Variants in ETV7 observed in about 807,000 individuals in gnomAD.
The protein encoded by ETV7 is transcription factor ETV7.
Under a neutral mutation model 39.1 loss-of-function variants are expected in ETV7, and 43 were observed. The ratio of observed to expected loss-of-function variants is 1.10; its 90% CI spans 0.86 to 1.42. ETV7 has a LOEUF of 1.42. ETV7 is among the 40% of genes most tolerant of loss of function. ETV7 has a pLI of 0.00. For synonymous variants in ETV7, 196 were observed against 176.6 expected (o/e 1.11, Z -0.87); for missense variants, 432 against 442.3 (o/e 0.98, Z 0.21).
chr6:36,375,531 T>C (rs1377114270), intron 3 of ETV7, among the ~76,000 whole-genome samples: 1 of 152,190 alleles, frequency 6.6e-6, no homozygotes, highest in Admixed American at 6.5e-5. Context: ...CTTTCTCTAG[T>C]TGGTTTTTTG....
At chr6:36,362,483 C>T (rs1736906744), downstream of ETV7, among the ~76,000 whole-genome samples, 1 of 150,096 alleles carries the variant, frequency 6.7e-6, no homozygotes, top group Admixed American at 6.6e-5. Flanking sequence ...GAGAAGTTCA[C>T]TTTGACACAT....
At chr6:36,369,929 T>C (rs1302808582) in intron 5 of ETV7, among the ~76,000 whole-genome samples, 1 of 151,124 alleles carries the variant, frequency 6.6e-6, no homozygotes, top group Non-Finnish European at 1.5e-5. Context: ...ACCCAGTAAT[T>C]GTGGATCATT....
At chr6:36,377,472 T>C (rs1213080732) in intron 2 of ETV7, among the ~76,000 whole-genome samples, 1 of 151,972 alleles carries the variant, frequency 6.6e-6, no homozygotes, top group Non-Finnish European at 1.5e-5. Context: ...AAAAAATACA[T>C]AAATTTAAAT....
downstream of ETV7, among the ~76,000 whole-genome samples, chr6:36,363,530 C>T (rs1031261091): frequency 2.6e-5 from 4 of 152,228 alleles, no homozygotes; most frequent in Non-Finnish European, 4.4e-5. Context: ...TGCAGATCTT[C>T]GCACTAAGCG....
intron 6 of ETV7, 62 bp downstream of exon 6, chr6:36,368,867 T>C: frequency 6.2e-7 from 1 of 1,605,850 alleles, no homozygotes; most frequent in Non-Finnish European, 8.5e-7. Context: ...AGGGGTCCAC[T>C]CTGACCCCCA....
rs1355604249 is a variant in ETV7 at position 36,385,815 on chromosome 6, T to C, written c.7-146A>G. On this transcript the variant is annotated intron_variant, in intron 1 of 7. Coordinates refer to ENST00000340181, the MANE Select transcript of ETV7 (RefSeq NM_016135.4). ...ATCAACCTTAAAGGTAGGAACCATG[T>C]ATATCTTCAACTCAGTACCATCAAC... 2.0e-5 allele frequency: 16 copies of C among 796,702 alleles called. No homozygotes were observed. The East Asian group carries it at 4.2e-4, about 21-fold the overall frequency. 49.4% of individuals were successfully genotyped at this position (796,702 alleles called of 1,614,324 possible).
At chr6:36,365,651 A>G (rs1218875840), downstream of ETV7, among the ~76,000 whole-genome samples, 1 of 152,106 alleles carries the variant, frequency 6.6e-6, no homozygotes, top group Non-Finnish European at 1.5e-5. Context: ...CTATTCAGTG[A>G]AGATGCCAAG....
chr6:36,367,031 C>T (rs1004347250), intron 6 of ETV7, 56 bp from the exon 7 acceptor site: 28 of 1,340,528 alleles, frequency 2.1e-5, no homozygotes, highest in African/African-American at 2.0e-4. Flanking sequence ...GCTCCTTCCA[C>T]ACCTGGAAGG....
chr6:36,358,883 C>T (rs887235290), intron 7 of ETV7, among the ~76,000 whole-genome samples: 5 of 152,208 alleles, frequency 3.3e-5, no homozygotes, highest in Admixed American at 3.3e-4. Flanking sequence ...CCAGCCAGAG[C>T]ACTTTCAACA....
At chr6:36,379,745 A>T (rs1773559561) in intron 2 of ETV7, among the ~76,000 whole-genome samples, 1 of 151,698 alleles carries the variant, frequency 6.6e-6, no homozygotes. Flanking sequence ...GCACAGTGGC[A>T]CGTGCCTGTA....
chr6:36,369,048 C>T lies in ETV7; in HGVS notation c.688G>A (p.Val230Met), dbSNP rs754146889. 22 of 1,614,048 alleles carry T rather than the reference C, an allele frequency of 1.4e-5. No individual in the cohort carries two copies. Among genetic ancestry groups the T allele is most frequent in the African/African-American group, 6.7e-5 (5 of 74,920 alleles). ...IADCRLLWDY[V>M]YQLLLDTRYE... ...CGGGTATCAAGGAGCAGCTGATACA[C>T]GTAATCCCACAGCAGGCGGCAGTCT... The change falls in exon 6 of 8, where the codon GTG becomes ATG. Residue 230 changes from valine to methionine, a missense_variant. Coordinates refer to ENST00000340181, the MANE Select transcript of ETV7 (RefSeq NM_016135.4).
intron 2 of ETV7, among the ~76,000 whole-genome samples, chr6:36,382,242 G>A (rs1364019055): frequency 5.9e-5 from 9 of 152,068 alleles, no homozygotes; most frequent in African/African-American, 1.2e-4. Context: ...AAGTAGTCAC[G>A]AATCTCAGCT....
intron 7 of ETV7, among the ~76,000 whole-genome samples, chr6:36,358,604 G>C (rs1480599348): frequency 1.1e-4 from 16 of 152,208 alleles, no homozygotes; most frequent in Admixed American, 1.0e-3. Context: ...CCCTAACACT[G>C]GGTCAGCTCA....
At chr6:36,375,068 C>CAAA (rs34962714) in intron 3 of ETV7, among the ~76,000 whole-genome samples, 2 of 131,928 alleles carry the variant, frequency 1.5e-5, no homozygotes, top group Non-Finnish European at 1.6e-5. Context: ...GACTCCATCT[C>CAAA]AAAAAAAAAA....
At chr6:36,356,522 C>T (rs1772347203) in intron 7 of ETV7, among the ~76,000 whole-genome samples, 1 of 152,160 alleles carries the variant, frequency 6.6e-6, no homozygotes, top group Admixed American at 6.5e-5. Flanking sequence ...TCTGGTGTCC[C>T]CTCATGGCAG....
chr6:36,375,656 A>G (rs775344811), intron 3 of ETV7, among the ~76,000 whole-genome samples: 1 of 152,190 alleles, frequency 6.6e-6, no homozygotes, highest in Non-Finnish European at 1.5e-5. Flanking sequence ...CAGCTCTGAA[A>G]ACAAGTGGTC....
chr6:36,358,138 C>T (rs1201920522), intron 7 of ETV7, among the ~76,000 whole-genome samples: 1 of 152,234 alleles, frequency 6.6e-6, no homozygotes, highest in African/African-American at 2.4e-5. Context: ...GCCAGCATGA[C>T]TCTAACTGAT....
At position 36,366,952 on chromosome 6, in the gene ETV7, C is replaced by T. The variant is rs763101626; in HGVS notation, c.831G>A (p.Glu277=). The T allele has an allele frequency of 3.7e-6, 6 of 1,614,032 alleles. No homozygotes were observed. In the South Asian group the frequency reaches 4.4e-5, roughly 12 times the overall value. The change falls in exon 7 of 8, where the codon GAG becomes GAA. Residue 277 remains glutamate (E), a synonymous_variant. Coordinates refer to ENST00000340181, the MANE Select transcript of ETV7 (RefSeq NM_016135.4). ...NHKNRVNMTY[E]KMSRALRHYY... is the part of the protein sequence containing the mutation. ...AGTGGCGCAGGGCACGAGACATCTT[C>T]TCGTAGGTCATGTTCACCCGGTTCT...
At chr6:36,373,601 G>GTGGGC in intron 3 of ETV7, 23 bp from the exon 4 acceptor site, 8 of 475,620 alleles carry the variant, frequency 1.7e-5, no homozygotes, top group Non-Finnish European at 2.8e-5. Flanking sequence ...GGGAGGGAGG[G>GTGGGC]CAGGCTGCTG....
Sources: allele counts gnomAD v4.1 joint callset (sites outside exome capture counted in the v4.1 genomes callset), GRCh38; gene constraint gnomAD v4.1.1; transcripts MANE v1.5; gene names NCBI Gene and HGNC (gene_info 2026-07-23, HGNC 2026-07-21).